CHST15: variants seen among roughly 807,000 people sequenced by gnomAD.
CHST15 encodes B cell RAG associated protein (GALNAC4S-6ST).
CHST15 carries 30 observed loss-of-function variants against 53.6 expected under a neutral mutation model. The ratio of observed to expected loss-of-function variants is 0.56; its 90% CI spans 0.42 to 0.76. CHST15 has a LOEUF of 0.76. Ranked by LOEUF, CHST15 falls within the 30% of genes least tolerant of loss-of-function variation. CHST15 has a pLI of 0.00. For synonymous variants in CHST15, 296 were observed against 289.8 expected, an observed-to-expected ratio of 1.02 and a Z score of -0.22; for missense variants, 627 against 740.5, an observed-to-expected ratio of 0.85 and a Z score of 1.78.
At chr10:124,040,975 G>GT (rs1159214689) in intron 4 of CHST15, among the ~76,000 whole-genome samples, 1 of 152,176 alleles carries the variant, frequency 6.6e-6, no homozygotes, top group African/African-American at 2.4e-5. Context: ...ATAAGAACAT[G>GT]TGATTTTCCC....
At chr10:124,026,065 C>T (rs1307403042) in intron 5 of CHST15, among the ~76,000 whole-genome samples, 3 of 152,184 alleles carry the variant, frequency 2.0e-5, no homozygotes, top group Non-Finnish European at 2.9e-5. Flanking sequence ...TAAGGAAGAC[C>T]AATTACTCCA....
At chr10:124,025,190 T>C (rs1225181107) in intron 5 of CHST15, among the ~76,000 whole-genome samples, 4 of 152,236 alleles carry the variant, frequency 2.6e-5, no homozygotes, top group Admixed American at 2.0e-4. Flanking sequence ...AATCTGCTGA[T>C]TCCATACAAT....
chr10:124,044,432 G>A (rs1000155481), intron 3 of CHST15, 148 bp downstream of exon 3: 3 of 636,662 alleles, frequency 4.7e-6, no homozygotes, highest in Non-Finnish European at 7.6e-6. Flanking sequence ...GACCCTGCTG[G>A]GTCTTTGCCT....
intron 1 of CHST15, among the ~76,000 whole-genome samples, chr10:124,087,261 C>T (rs1435776122): frequency 6.6e-6 from 1 of 152,190 alleles, no homozygotes; most frequent in Non-Finnish European, 1.5e-5. Flanking sequence ...CAGGACAGAA[C>T]CTCCCTGAGA....
At chr10:124,050,542 G>GCCCCACACTCCCC (rs1948154311) in intron 1 of CHST15, among the ~76,000 whole-genome samples, 1 of 152,154 alleles carries the variant, frequency 6.6e-6, no homozygotes, top group Non-Finnish European at 1.5e-5. Flanking sequence ...GGATGCCATA[G>GCCCCACACTCCCC]CACCCCTTCC....
intron 1 of CHST15, among the ~76,000 whole-genome samples, chr10:124,090,042 C>A (rs1456926730): frequency 2.0e-5 from 3 of 152,204 alleles, no homozygotes; most frequent in East Asian, 3.9e-4. Flanking sequence ...TGGCCGCAGG[C>A]ATGATGGGCA....
chr10:124,032,500 T>C (rs1270384748), intron 5 of CHST15, among the ~76,000 whole-genome samples: 1 of 152,212 alleles, frequency 6.6e-6, no homozygotes, highest in Admixed American at 6.5e-5. Flanking sequence ...GGGCTATAAC[T>C]GCCTCTGAAT....
chr10:124,008,499 T>TGGGA lies in CHST15; in HGVS notation c.*1646_*1649dup. 1.0e-6 allele frequency: 1 copy of TGGGA among 992,586 alleles called. No individual in the cohort carries two copies. The highest frequency in any genetic ancestry group is 1.2e-6 in the Non-Finnish European group (1 of 833,810). The allele number at this position is 992,586 out of a possible 1,614,324, so 61.5% of individuals were successfully genotyped here. A position where few individuals can be genotyped will look rare whatever the true frequency, so the allele number is the denominator to read the frequency against. ...AGAAGGTGGGGACTGTCCCTGCAAG[T>TGGGA]GGGAGTTCAGGACACACGCTCCTTC... On this transcript the variant is annotated 3_prime_UTR_variant, in exon 8 of 8. Transcript: ENST00000435907.
rs1157697001 is a variant in CHST15, at chr10:124,046,282, G to A, written c.-70C>T. On this transcript the variant is annotated 5_prime_UTR_variant, in exon 2 of 8. Transcript: ENST00000435907. ...GGGCCCCCCACGAGTCTGGATGTCCGCAAGTCGTGCTAGAAAACCTTAAGA... is the reference window on the plus strand; with the variant it reads ...GGGCCCCCCACGAGTCTGGATGTCCACAAGTCGTGCTAGAAAACCTTAAGA... The A allele has an allele frequency of 2.9e-5, 41 of 1,429,712 alleles. No individual in the cohort carries two copies. The highest frequency in any genetic ancestry group is 1.0e-4 in the African/African-American group (7 of 69,772). 88.6% of individuals were successfully genotyped at this position (1,429,712 alleles called of 1,614,324 possible). A position where few individuals can be genotyped will look rare whatever the true frequency, so the allele number is the denominator to read the frequency against.
At chr10:124,020,636 C>T (rs548375850) in intron 6 of CHST15, 9 of 988,506 alleles carry the variant, frequency 9.1e-6, no homozygotes, top group South Asian at 4.6e-5. Flanking sequence ...CGGCAATGCT[C>T]GCTGCATAAG....
chr10:124,051,809 T>C (rs1948209879), intron 1 of CHST15, among the ~76,000 whole-genome samples: 1 of 152,162 alleles, frequency 6.6e-6, no homozygotes, highest in African/African-American at 2.4e-5. Flanking sequence ...AAAATTGTAA[T>C]TGAGAGACCC....
intron 1 of CHST15, among the ~76,000 whole-genome samples, chr10:124,049,901 G>A (rs1764863010): frequency 6.6e-6 from 1 of 152,096 alleles, no homozygotes; most frequent in South Asian, 2.1e-4. Context: ...AGTCTGGTGA[G>A]ACCGAGCCCT....
chr10:124,018,493 G>A (rs931979843), intron 6 of CHST15, among the ~76,000 whole-genome samples: 7 of 152,240 alleles, frequency 4.6e-5, no homozygotes, highest in African/African-American at 1.7e-4. Context: ...TGCACTGGGG[G>A]AGACACAGCC....
At chr10:124,044,532 C>T (rs376450532) in intron 3 of CHST15, 48 bp downstream of exon 3, 5 of 1,406,842 alleles carry the variant, frequency 3.6e-6, no homozygotes, top group Middle Eastern at 3.9e-4. Context: ...GAGGAATGAA[C>T]GAATGAAGGA....
chr10:124,041,206 T>A (rs1433732348), intron 4 of CHST15, among the ~76,000 whole-genome samples: 2 of 152,262 alleles, frequency 1.3e-5, no homozygotes, highest in African/African-American at 4.8e-5. Flanking sequence ...AGTTAAAAAG[T>A]CATCTTTCGA....
chr10:124,015,634 C>G (rs1946563364), intron 6 of CHST15, among the ~76,000 whole-genome samples: 1 of 152,230 alleles, frequency 6.6e-6, no homozygotes, highest in Non-Finnish European at 1.5e-5. Flanking sequence ...CCAGCCTCCC[C>G]ACTAGTCCCC....
Position 124,009,126 on chromosome 10 carries a change from A to G in CHST15, c.*1023T>C. 8.0e-7 allele frequency: 1 copy of G among 1,248,852 alleles called. No homozygotes were observed. The highest frequency in any genetic ancestry group is 1.5e-5 in the African/African-American group (1 of 64,978). The allele number at this position is 1,248,852 out of a possible 1,614,324, so 77.4% of individuals were successfully genotyped here. ...CTATTTCCAATGGGAAGGCAGAGAA[A>G]TGGAGCCTGTAGCCGGCCAGAACTA... is the stretch of plus-strand genomic sequence containing the variant. On this transcript the variant is annotated 3_prime_UTR_variant, in exon 8 of 8. Coordinates refer to ENST00000435907, the MANE Select transcript of CHST15 (RefSeq NM_001270764.2).
At chr10:124,093,004 C>A (rs954064025) in intron 1 of CHST15, among the ~76,000 whole-genome samples, 1 of 152,186 alleles carries the variant, frequency 6.6e-6, no homozygotes, top group African/African-American at 2.4e-5. Context: ...CGCCACTGCT[C>A]GGTCCCCTGT....
intron 5 of CHST15, among the ~76,000 whole-genome samples, chr10:124,031,707 A>T (rs778639990): frequency 6.6e-6 from 1 of 152,178 alleles, no homozygotes; most frequent in Non-Finnish European, 1.5e-5. Context: ...AATAATAGTT[A>T]CATATTTTCC....
Sources: gnomAD v4.1 joint callset for allele counts (sites outside exome capture counted in the v4.1 genomes callset) on GRCh38, gnomAD v4.1.1 for gene constraint, MANE v1.5 for transcripts, NCBI Gene and HGNC (gene_info 2026-07-23, HGNC 2026-07-21) for gene names.